RAD51B: variants seen among roughly 807,000 people sequenced by gnomAD.
RAD51B encodes the protein DNA repair protein RAD51 homolog 2.
Under a neutral mutation model 42.2 loss-of-function variants are expected in RAD51B, and 38 were observed. That is an observed-to-expected ratio of 0.90 (90% CI 0.70 to 1.18). The LOEUF (loss-of-function observed/expected upper bound fraction) is 1.18, where lower values mean the gene tolerates loss of function less well. Among genes scored for constraint, RAD51B ranks in the 50% most tolerant of loss-of-function variants. RAD51B has a pLI of 0.00. For synonymous variants in RAD51B, 154 were observed against 145.2 expected (o/e 1.06, Z -0.43); for missense variants, 373 against 400.7 (o/e 0.93, Z 0.59).
intron 10 of RAD51B, among the ~76,000 whole-genome samples, chr14:68,564,720 G>T (rs1344373279): frequency 1.3e-5 from 2 of 152,246 alleles, no homozygotes; most frequent in Non-Finnish European, 2.9e-5. Flanking sequence ...GCCTGGTGTG[G>T]TGTTGATAAT....
At chr14:67,995,055 A>G (rs2075357945) in intron 7 of RAD51B, among the ~76,000 whole-genome samples, 1 of 152,138 alleles carries the variant, frequency 6.6e-6, no homozygotes, top group African/African-American at 2.4e-5. Context: ...TGGTACCTAG[A>G]CTGCTTAGCA....
chr14:68,374,494 G>C (rs2083326455), intron 8 of RAD51B, among the ~76,000 whole-genome samples: 1 of 152,090 alleles, frequency 6.6e-6, no homozygotes, highest in Admixed American at 6.6e-5. Context: ...TGGGAAAACT[G>C]AGGCAAAGTT....
intron 7 of RAD51B, among the ~76,000 whole-genome samples, chr14:68,125,751 TTTGTTTTG>T (rs1664785783): frequency 6.8e-6 from 1 of 146,268 alleles, no homozygotes; most frequent in Non-Finnish European, 1.5e-5. Flanking sequence ...TTTGTTTTGT[TTTGTTTTG>T]TTTTTTCAAA....
At chr14:68,642,664 T>A (rs12435141) in intron 10 of RAD51B, among the ~76,000 whole-genome samples, 44,947 of 152,048 alleles carry the variant, frequency 0.3, 7,334 homozygotes, top group East Asian at 0.69. Flanking sequence ...GGATTTAATT[T>A]GCTCTTCCTT....
chr14:68,339,544 G>T, intron 8 of RAD51B: 1 of 386,100 alleles, frequency 2.6e-6, no homozygotes. Context: ...GTGGCGGGAG[G>T]AGAGACTTAT....
At chr14:68,350,510 A>G (rs566471895) in intron 8 of RAD51B, among the ~76,000 whole-genome samples, 5 of 152,342 alleles carry the variant, frequency 3.3e-5, no homozygotes, top group African/African-American at 1.2e-4. Context: ...ATTGCTGGTG[A>G]AGCATCTTTC....
intron 9 of RAD51B, among the ~76,000 whole-genome samples, chr14:68,432,499 T>C (rs1383320535): frequency 6.6e-6 from 1 of 152,256 alleles, no homozygotes; most frequent in Non-Finnish European, 1.5e-5. Flanking sequence ...CCTTTACCAT[T>C]ATGTAATGAC....
chr14:67,845,048 CTT>C (rs1364334814), intron 4 of RAD51B, among the ~76,000 whole-genome samples: 1 of 152,188 alleles, frequency 6.6e-6, no homozygotes, highest in Non-Finnish European at 1.5e-5. Context: ...GGTCTTGACT[CTT>C]TGTCCAACTT....
chr14:68,012,077 A>C (rs368794491), intron 7 of RAD51B, among the ~76,000 whole-genome samples: 1 of 152,124 alleles, frequency 6.6e-6, no homozygotes. Context: ...AGACCTTTTC[A>C]AAGTAGATAA....
intron 7 of RAD51B, among the ~76,000 whole-genome samples, chr14:67,904,234 A>T (rs768373364): frequency 1.3e-5 from 2 of 152,016 alleles, no homozygotes; most frequent in South Asian, 4.1e-4. Context: ...TTGTGTCTTT[A>T]TGGTAGAATC....
At chr14:68,102,410 ATC>A (rs2140555756) in intron 7 of RAD51B, among the ~76,000 whole-genome samples, 1 of 152,282 alleles carries the variant, frequency 6.6e-6, no homozygotes, top group South Asian at 2.1e-4. Flanking sequence ...ATGCCAAACC[ATC>A]TCTCTCAAGT....
chr14:68,202,210 T>C (rs1193407463), intron 7 of RAD51B, among the ~76,000 whole-genome samples: 1 of 152,216 alleles, frequency 6.6e-6, no homozygotes, highest in Non-Finnish European at 1.5e-5. Context: ...ATCTTTTTGC[T>C]GGTGGAGTGT....
chr14:68,180,585 T>C (rs1319509226), intron 7 of RAD51B, among the ~76,000 whole-genome samples: 1 of 152,146 alleles, frequency 6.6e-6, no homozygotes, highest in African/African-American at 2.4e-5. Flanking sequence ...TATCGCCACT[T>C]TACAAATATG....
At chr14:67,995,351 C>T (rs1448811092) in intron 7 of RAD51B, among the ~76,000 whole-genome samples, 2 of 152,038 alleles carry the variant, frequency 1.3e-5, no homozygotes, top group East Asian at 1.9e-4. Context: ...CACGCCACTA[C>T]TCCAGTCTGG....
intron 10 of RAD51B, among the ~76,000 whole-genome samples, chr14:68,605,635 T>A (rs1891416111): frequency 1.3e-5 from 2 of 152,214 alleles, no homozygotes; most frequent in Admixed American, 1.3e-4. Context: ...TCTCTTCTCA[T>A]AAGGACAGTA....
intron 10 of RAD51B, among the ~76,000 whole-genome samples, chr14:68,631,459 T>G (rs931356827): frequency 6.6e-6 from 1 of 152,140 alleles, no homozygotes; most frequent in South Asian, 2.1e-4. Context: ...GCCTGGAGAT[T>G]GATCCCTTGG....
At chr14:68,303,466 A>T (rs1056889942) in intron 8 of RAD51B, among the ~76,000 whole-genome samples, 2 of 151,944 alleles carry the variant, frequency 1.3e-5, no homozygotes, top group African/African-American at 4.8e-5. Flanking sequence ...ATAAAAAAAA[A>T]AAAAAAAAAA....
chr14:67,904,661 A>G (rs1489257825), intron 7 of RAD51B, among the ~76,000 whole-genome samples: 2 of 150,428 alleles, frequency 1.3e-5, no homozygotes, highest in African/African-American at 4.9e-5. Context: ...ATGCCACCAC[A>G]CCCAGCTAAT....
At chr14:68,619,070 A>T (rs1289546717) in intron 10 of RAD51B, among the ~76,000 whole-genome samples, 1 of 152,252 alleles carries the variant, frequency 6.6e-6, no homozygotes, top group African/African-American at 2.4e-5. Context: ...AACCCTAGCC[A>T]GTAGGGCTTA....
Sources: allele counts gnomAD v4.1 joint callset (sites outside exome capture counted in the v4.1 genomes callset), GRCh38; gene constraint gnomAD v4.1.1; transcripts MANE v1.5; gene names NCBI Gene and HGNC (gene_info 2026-07-23, HGNC 2026-07-21).